The following PIGG variants were observed in gnomAD, a reference collection of about 807,000 sequenced individuals.
PIGG encodes GPI ethanolamine phosphate transferase 2, catalytic subunit.
PIGG carries 70 observed loss-of-function variants against 83.2 expected under a neutral mutation model. The ratio of observed to expected loss-of-function variants is 0.84; its 90% confidence interval spans 0.69 to 1.03. The LOEUF (loss-of-function observed/expected upper bound fraction) is 1.03, where lower values mean the gene tolerates loss of function less well. PIGG is among the 50% of genes least tolerant of loss of function. The pLI, the probability that PIGG is intolerant of heterozygous loss-of-function variation, is 0.00. For missense variants in PIGG, 1,257 were observed against 1,233.6 expected (o/e 1.02, Z -0.28); for synonymous variants, 532 against 519.5 (o/e 1.02, Z -0.33).
chr4:537,622 C>T (rs902016969), intron 12 of PIGG, among the ~76,000 whole-genome samples: 1 of 151,974 alleles, frequency 6.6e-6, no homozygotes, highest in Non-Finnish European at 1.5e-5. Context: ...GTTTGGGGGA[C>T]CCGCCTAAGG....
At chr4:536,856 G>C (rs888677533) in intron 12 of PIGG, 6 of 152,350 alleles carry the variant, frequency 3.9e-5, no homozygotes, top group African/African-American at 1.4e-4. Context: ...CCAGTGGCCA[G>C]CTGGAGACGG....
chr4:534,708 C>T (rs59564702), intron 12 of PIGG, among the ~76,000 whole-genome samples: 25,492 of 152,078 alleles, frequency 0.17, 2,558 homozygotes, highest in African/African-American at 0.29. Flanking sequence ...GAAGTTCCAC[C>T]GGGGGGACCC....
chr4:500,037 A>AC, intron 1 of PIGG: 1 of 270,596 alleles, frequency 3.7e-6, no homozygotes, highest in Non-Finnish European at 7.1e-6. Context: ...GCCGCTGACC[A>AC]TGTAAACGCA....
chr4:535,631 C>T (rs1418348423), intron 12 of PIGG, among the ~76,000 whole-genome samples: 1 of 152,162 alleles, frequency 6.6e-6, no homozygotes, highest in Non-Finnish European at 1.5e-5. Flanking sequence ...CCTACGTCCT[C>T]CCATGACTGA....
Position 521,930 on chromosome 4 carries a change from A to G in PIGG, c.1603A>G (p.Thr535Ala), listed in dbSNP as rs1473583270. The change falls in exon 8 of 13, where the codon ACC becomes GCC. Residue 535 changes from threonine (T) to alanine (A), a missense_variant. Transcript: ENST00000453061. ...GACCAACGTGCTCGTGGGTGGAAAC[A>G]CCCCAAGGAAGGTACGTACGGCTGG... Reference protein sequence around the residue: ...VLTNVLVGGNTPRKNPMHPSS... With the variant: ...VLTNVLVGGNAPRKNPMHPSS... 7 of 1,613,946 alleles carry G rather than the reference A, an allele frequency of 4.3e-6. No homozygotes were observed. Among genetic ancestry groups the G allele is most frequent in the African/African-American group, 2.7e-5 (2 of 74,878 alleles).
chr4:526,347 A>G (rs895551204), intron 9 of PIGG, among the ~76,000 whole-genome samples: 1 of 152,200 alleles, frequency 6.6e-6, no homozygotes, highest in Admixed American at 6.5e-5. Context: ...AGTGAAAGAA[A>G]CAGAAGGGAG....
intron 6 of PIGG, among the ~76,000 whole-genome samples, chr4:519,635 G>A (rs976939995): frequency 2.6e-5 from 4 of 152,250 alleles, no homozygotes; most frequent in East Asian, 1.9e-4. Context: ...CGAGCGAGCC[G>A]CCTAGTGTTG....
At chr4:519,602 A>T (rs553016870) in intron 6 of PIGG, among the ~76,000 whole-genome samples, 1 of 152,350 alleles carries the variant, frequency 6.6e-6, no homozygotes, top group Admixed American at 6.5e-5. Flanking sequence ...TCCCTGCCTC[A>T]TAGGGTCATT....
Position 508,985 on chromosome 4 carries a change from A to G in PIGG, c.901+15A>G, listed in dbSNP as rs202053509. ...AAGGAAACCCGGTGAGAATTTAGGA[A>G]TGTTAACAGTTGGAAATTGTATTAC... is the stretch of plus-strand genomic sequence containing the variant. On this transcript the variant is annotated intron_variant, in intron 5 of 12. Coordinates refer to ENST00000453061, the MANE Select transcript of PIGG (RefSeq NM_001127178.3). The G allele has an allele frequency of 6.9e-6, 11 of 1,600,570 alleles. No individual in the cohort carries two copies. In the East Asian group the frequency reaches 1.8e-4, roughly 26 times the overall value.
At chr4:522,226 G>A in intron 8 of PIGG, 1 of 592,104 alleles carries the variant, frequency 1.7e-6, no homozygotes, top group East Asian at 2.8e-5. Context: ...GTAAAGAGCT[G>A]GCGGTCACAG....
At chr4:518,982 G>T (rs1286692498) in intron 6 of PIGG, among the ~76,000 whole-genome samples, 1 of 152,138 alleles carries the variant, frequency 6.6e-6, no homozygotes, top group Non-Finnish European at 1.5e-5. Flanking sequence ...TTTTGCACAT[G>T]CTGTTCCCAT....
intron 10 of PIGG, chr4:527,493 AT>A: frequency 8.1e-7 from 1 of 1,240,468 alleles, no homozygotes; most frequent in Non-Finnish European, 1.0e-6. Context: ...TGGAAGTAAG[AT>A]TTTTTAAATT....
intron 6 of PIGG, among the ~76,000 whole-genome samples, 179 bp downstream of exon 6, chr4:516,364 C>A (rs1393422087): frequency 2.6e-5 from 4 of 152,192 alleles, no homozygotes; most frequent in African/African-American, 7.2e-5. Flanking sequence ...CCATTGGCAG[C>A]ACCCTCAGAT....
rs1207825909 is a variant in PIGG at position 499,339 on chromosome 4, C to G, written c.4C>G (p.Arg2Gly). The change falls in exon 1 of 13, where the codon CGG becomes GGG. Residue 2 changes from arginine (R) to glycine (G), a missense_variant. By Grantham distance (125) the Arg-to-Gly change is moderately radical. Transcript: ENST00000453061. M[R>G]LGSGTFATCC... The stretch of plus-strand genomic sequence containing the variant: ...CATCCAGCCTAGCGTGTCCACGATG[C>G]GGCTGGGCTCCGGGACTTTCGCTAC... The G allele has an allele frequency of 6.2e-7, 1 of 1,607,374 alleles. No homozygotes were observed. The highest frequency in any genetic ancestry group is 8.5e-7 in the Non-Finnish European group (1 of 1,179,782).
At chr4:506,833 A>G (rs371612765) in intron 3 of PIGG, 219 of 456,068 alleles carry the variant, frequency 4.8e-4, no homozygotes, top group Middle Eastern at 3.6e-3. Context: ...AGATGCCCTC[A>G]GCTTCATCAT....
intron 2 of PIGG, among the ~76,000 whole-genome samples, chr4:503,879 C>CAT (rs1317092443): frequency 1.4e-5 from 2 of 140,604 alleles, no homozygotes; most frequent in Non-Finnish European, 3.2e-5. Flanking sequence ...CACACACACA[C>CAT]ACACACAGAA....
rs201854808 is a variant in PIGG at position 521,751 on chromosome 4, T to C, written c.1424T>C (p.Leu475Pro). ...CTGTCATCTCCTGGGTTTTCTCTGC[T>C]CTTTTATTTGGTGATCCTGGTTCTT... ...VPLSSPGFSL[L>P]FYLVILVLSA... is the part of the protein sequence containing the mutation. The change falls in exon 8 of 13, where the codon CTC becomes CCC. Residue 475 changes from leucine (L) to proline (P), a missense_variant. Coordinates refer to ENST00000453061, the MANE Select transcript of PIGG (RefSeq NM_001127178.3). The C allele has an allele frequency of 2.6e-5, 42 of 1,614,200 alleles. No individual in the cohort carries two copies. The East Asian group carries it at 9.4e-4, about 36-fold the overall frequency.
intron 3 of PIGG, 22 bp from the exon 4 acceptor site, chr4:507,383 T>G (rs1553880083): frequency 6.3e-7 from 1 of 1,581,760 alleles, no homozygotes; most frequent in Admixed American, 1.7e-5. Context: ...GAGTTGTTTA[T>G]ACGTGTGTTT....
chr4:515,903 C>T lies in PIGG; in HGVS notation c.902-70C>T. 1.6e-6 allele frequency: 2 copies of T among 1,212,484 alleles called. No homozygotes were observed. The highest frequency in any genetic ancestry group is 1.2e-6 in the Non-Finnish European group (1 of 816,908). 75.1% of individuals were successfully genotyped at this position (1,212,484 alleles called of 1,614,324 possible). On this transcript the variant is annotated intron_variant, in intron 5 of 12. Coordinates refer to ENST00000453061, the MANE Select transcript of PIGG (RefSeq NM_001127178.3). This position sits in a 1 kb window ranked among gnomAD's most constrained non-coding sequence, Gnocchi z 4.2. The stretch of plus-strand genomic sequence containing the variant: ...TTGGCTCATGTTAGTTGTAGAAGGT[C>T]TAATTCAAGAATGAGTACCATCTTA...
Sources: gnomAD v4.1 joint callset for allele counts (sites outside exome capture counted in the v4.1 genomes callset) on GRCh38, gnomAD v4.1.1 for gene constraint, Gnocchi (gnomAD v3.1) non-coding constraint, MANE v1.5 for transcripts, NCBI Gene and HGNC (gene_info 2026-07-23, HGNC 2026-07-21) for gene names.